SASH1: variants seen among roughly 807,000 people sequenced by gnomAD.
SASH1 encodes SAM and SH3 domain-containing protein 1.
In SASH1, 44 loss-of-function variants were observed where a neutral mutation model predicts 125.2. That is an observed-to-expected ratio of 0.35 (90% CI 0.28 to 0.45). The LOEUF (loss-of-function observed/expected upper bound fraction) is 0.45, where lower values mean the gene tolerates loss of function less well. Among genes scored for constraint, SASH1 ranks in the 20% least tolerant of loss-of-function variants. The probability of loss-of-function intolerance (pLI) is 1.00; values close to 1 mark genes in which losing one functional copy is unlikely to be tolerated. For synonymous variants in SASH1, 639 were observed against 649.1 expected, an observed-to-expected ratio of 0.98 and a Z score of 0.24; for missense variants, 1,426 against 1,614.5, an observed-to-expected ratio of 0.88 and a Z score of 2.00.
chr6:148,355,069 C>T (rs1781878262), intron 1 of SASH1, among the ~76,000 whole-genome samples: 1 of 152,152 alleles, frequency 6.6e-6, no homozygotes. Flanking sequence ...AAACTTGCCA[C>T]TTACATAAAT....
At chr6:148,340,147 C>T (rs150757192), upstream of SASH1, among the ~76,000 whole-genome samples, 404 of 152,274 alleles carry the variant, frequency 2.7e-3, 4 homozygotes, top group African/African-American at 9.4e-3. Flanking sequence ...AGAGAACAGG[C>T]TGCCCCTTGG....
intron 8 of SASH1, chr6:148,508,518 G>C: frequency 9.9e-7 from 1 of 1,012,722 alleles, no homozygotes; most frequent in African/African-American, 1.7e-5. Flanking sequence ...AGGGATTGTT[G>C]GCCATGCACA....
chr6:148,286,055 T>C (rs1353279416), intron 1 of SASH1, among the ~76,000 whole-genome samples: 1 of 152,158 alleles, frequency 6.6e-6, no homozygotes, highest in African/African-American at 2.4e-5. Context: ...AGAATGTACC[T>C]TTCTCTAAAA....
chr6:148,459,215 T>A (rs1176819381), intron 4 of SASH1, among the ~76,000 whole-genome samples: 1 of 152,074 alleles, frequency 6.6e-6, no homozygotes, highest in African/African-American at 2.4e-5. Context: ...AAGCCACAAA[T>A]GAAGAAAAAT....
Position 148,544,736 on chromosome 6 carries a change from G to A in SASH1, c.3266G>A (p.Arg1089Gln), listed in dbSNP as rs75149315. 4,267 of 1,607,996 alleles carry A rather than the reference G, an allele frequency of 2.7e-3. 121 individuals carry two copies. The Admixed American group carries it at 0.062, about 24-fold the overall frequency. ...TTGACCAGGAAGGTCTCCTGTGCCC[G>A]GGGAGTGGATCTAGAAACGCTCACT... ...PALTRKVSCARGVDLETLTEN... is the reference protein window; with the variant it reads ...PALTRKVSCAQGVDLETLTEN... The change falls in exon 18 of 20, where the codon CGG becomes CAG. Residue 1089 changes from arginine to glutamine, a missense_variant. Coordinates refer to ENST00000367467, the MANE Select transcript of SASH1 (RefSeq NM_015278.5). This position sits in a 1 kb window ranked among gnomAD's most constrained non-coding sequence, Gnocchi z 6.4.
At chr6:148,446,994 A>T (rs1776824912) in intron 4 of SASH1, among the ~76,000 whole-genome samples, 1 of 152,234 alleles carries the variant, frequency 6.6e-6, no homozygotes. Flanking sequence ...CATCAAATAA[A>T]CAGCAGCAGG....
chr6:148,228,988 C>T, the SASH1 span, among the ~76,000 whole-genome samples: 1 of 151,676 alleles, frequency 6.6e-6, no homozygotes, highest in South Asian at 2.1e-4. Flanking sequence ...AATGCAAAAA[C>T]TTGGGCAACA....
chr6:148,527,114 C>G (rs1036455377), intron 11 of SASH1, among the ~76,000 whole-genome samples: 1 of 152,126 alleles, frequency 6.6e-6, no homozygotes, highest in Non-Finnish European at 1.5e-5. Context: ...CCTCGTGATC[C>G]ACCTGCCTCA....
At chr6:148,298,650 G>A (rs1161717719) in intron 1 of SASH1, among the ~76,000 whole-genome samples, 1 of 86,150 alleles carries the variant, frequency 1.2e-5, no homozygotes, top group African/African-American at 4.5e-5. Context: ...AGGAAGGAAG[G>A]GAGGGAGGGA....
At chr6:148,206,067 T>C in the SASH1 span, among the ~76,000 whole-genome samples, 1 of 152,220 alleles carries the variant, frequency 6.6e-6, no homozygotes, top group Non-Finnish European at 1.5e-5. Flanking sequence ...ACTTTACAAA[T>C]GTCAGCATAA....
At chr6:148,227,557 C>T in the SASH1 span, among the ~76,000 whole-genome samples, 1 of 152,268 alleles carries the variant, frequency 6.6e-6, no homozygotes, top group Admixed American at 6.5e-5. Flanking sequence ...GGGGTTTCAC[C>T]ATGGTGGCCA....
At position 148,401,785 on chromosome 6, in the gene SASH1, T is replaced by G. The variant is rs546063504; in HGVS notation, c.285+11523T>G. Reference sequence around the variant, plus strand: ...ATTCGTGAACATCTGGATGTGTGTGTGGGGGGGTGTATGTTTTTTTTTAGT... The same window carrying G: ...ATTCGTGAACATCTGGATGTGTGTGGGGGGGGGTGTATGTTTTTTTTTAGT... On this transcript the variant is annotated intron_variant, in intron 2 of 19. Coordinates refer to ENST00000367467, the MANE Select transcript of SASH1 (RefSeq NM_015278.5). 1.1e-4 allele frequency among the ~76,000 whole-genome samples: 17 copies of G among 151,856 alleles called. 1 individual carries two copies. The highest frequency in any genetic ancestry group is 6.8e-3 in the Middle Eastern group (2 of 292).
chr6:148,260,984 T>C, the SASH1 span, among the ~76,000 whole-genome samples: 2 of 151,990 alleles, frequency 1.3e-5, no homozygotes, highest in Non-Finnish European at 2.9e-5. Flanking sequence ...TTTGTATTTT[T>C]AGTAGAGACG....
the SASH1 span, among the ~76,000 whole-genome samples, chr6:148,223,235 G>T: frequency 6.6e-6 from 1 of 152,144 alleles, no homozygotes; most frequent in Non-Finnish European, 1.5e-5. Flanking sequence ...TCCAATCTCA[G>T]TTTCCCCAAA....
At chr6:148,307,094 TTC>T (rs764505514) in intron 1 of SASH1, among the ~76,000 whole-genome samples, 7 of 120,758 alleles carry the variant, frequency 5.8e-5, no homozygotes, top group Admixed American at 8.8e-5. Context: ...CTTTCTTTCT[TTC>T]TCTCTCTCTG....
rs896055602 is a variant in SASH1 at position 148,551,958 on chromosome 6, C to A, written c.*3400C>A. 1 of 152,496 alleles carries A rather than the reference C, an allele frequency of 6.6e-6. No individual in the cohort carries two copies. The highest frequency in any genetic ancestry group is 1.5e-5 in the Non-Finnish European group (1 of 68,000). 9.4% of individuals were successfully genotyped at this position (152,496 alleles called of 1,614,324 possible). On this transcript the variant is annotated 3_prime_UTR_variant, in exon 20 of 20. Coordinates refer to ENST00000367467, the MANE Select transcript of SASH1 (RefSeq NM_015278.5). ...TTCATTTAGCATAAAGAGAGGTGGA[C>A]GGAAGGGTTTTCCTATGTATCAAAA...
At chr6:148,309,570 C>A (rs576602690) in intron 1 of SASH1, among the ~76,000 whole-genome samples, 3 of 151,962 alleles carry the variant, frequency 2.0e-5, no homozygotes, top group Admixed American at 2.0e-4. Context: ...TTAGGACAGC[C>A]CTGGCTTGTA....
chr6:148,403,553 A>G (rs901135419), intron 2 of SASH1, among the ~76,000 whole-genome samples: 1 of 152,152 alleles, frequency 6.6e-6, no homozygotes, highest in Non-Finnish European at 1.5e-5. Flanking sequence ...TTTTGAGACA[A>G]AGTTTTTGCT....
the SASH1 span, among the ~76,000 whole-genome samples, chr6:148,201,164 G>T: frequency 0.06 from 9,173 of 152,190 alleles, 307 homozygotes; most frequent in Middle Eastern, 0.11. Context: ...TTTGACCTTG[G>T]ACCACACTGA....
Sources: allele counts gnomAD v4.1 joint callset (sites outside exome capture counted in the v4.1 genomes callset), GRCh38; gene constraint gnomAD v4.1.1; non-coding constraint Gnocchi (gnomAD v3.1); transcripts MANE v1.5; gene names NCBI Gene and HGNC (gene_info 2026-07-23, HGNC 2026-07-21).